The following ACADL variants were observed in gnomAD, a reference collection of about 807,000 sequenced individuals.
The protein encoded by ACADL is long-chain specific acyl-CoA dehydrogenase, mitochondrial.
In ACADL, 60 loss-of-function variants were observed where a neutral mutation model predicts 56.9. That is an observed-to-expected ratio of 1.05 (90% CI 0.86 to 1.31). The LOEUF (loss-of-function observed/expected upper bound fraction) is 1.31. Among genes scored for constraint, ACADL ranks in the 50% most tolerant of loss-of-function variants. ACADL has a pLI of 0.00. For missense variants in ACADL, 484 were observed against 525.5 expected (o/e 0.92, Z 0.77); for synonymous variants, 158 against 179.7 (o/e 0.88, Z 0.97).
At chr2:210,208,306 T>C (rs1223263456) in intron 5 of ACADL, among the ~76,000 whole-genome samples, 1 of 152,164 alleles carries the variant, frequency 6.6e-6, no homozygotes, top group Non-Finnish European at 1.5e-5. Context: ...TCAAGTGGAG[T>C]TCTCCAGAAG....
chr2:210,206,008 G>A (rs990321640), intron 5 of ACADL, among the ~76,000 whole-genome samples: 3 of 152,062 alleles, frequency 2.0e-5, no homozygotes, highest in African/African-American at 4.8e-5. Context: ...TTCAAAGAAT[G>A]AAACCTATAG....
chr2:210,204,178 C>T (rs962608615), intron 7 of ACADL, among the ~76,000 whole-genome samples: 1 of 152,158 alleles, frequency 6.6e-6, no homozygotes, highest in Non-Finnish European at 1.5e-5. Flanking sequence ...GTGGCTAAAA[C>T]TTTTCAGTCT....
chr2:210,212,035 G>A (rs1171186968), intron 4 of ACADL, among the ~76,000 whole-genome samples: 1 of 151,756 alleles, frequency 6.6e-6, no homozygotes, highest in African/African-American at 2.4e-5. Context: ...GTTTCACCAT[G>A]TTGGCCAGGC....
Position 210,205,738 on chromosome 2 carries a change from T to A in ACADL, c.662A>T (p.His221Leu). Reference sequence around the variant, plus strand: ...ACCATGGGCAGGGGAGGGAGCTTCATGATTTGTGACCGCAACTACAATCAC... The same window carrying A: ...ACCATGGGCAGGGGAGGGAGCTTCAAGATTTGTGACCGCAACTACAATCAC... ...DVVIVVAVTN[H>L]EAPSPAHGIS... Residue 221 changes from histidine to leucine, a missense_variant, in exon 6 of 11, where the codon CAT becomes CTT. His to Leu is a moderately conservative substitution (Grantham distance 99). Coordinates refer to ENST00000233710, the MANE Select transcript of ACADL (RefSeq NM_001608.4). 1 of 1,614,080 alleles carries A rather than the reference T, an allele frequency of 6.2e-7. No homozygotes were observed. The highest frequency in any genetic ancestry group is 2.2e-5 in the East Asian group (1 of 44,866).
At chr2:210,202,878 C>T (rs1394172337) in intron 8 of ACADL, among the ~76,000 whole-genome samples, 7 of 152,088 alleles carry the variant, frequency 4.6e-5, no homozygotes, top group Admixed American at 3.9e-4. Context: ...TGTCACCCTC[C>T]ACCTCCATTA....
intron 7 of ACADL, among the ~76,000 whole-genome samples, 166 bp from the exon 8 acceptor site, chr2:210,203,610 A>C (rs1371964530): frequency 6.6e-6 from 1 of 152,146 alleles, no homozygotes; most frequent in Non-Finnish European, 1.5e-5. Flanking sequence ...TTCTTTTGAC[A>C]TATCTCTAAT....
intron 2 of ACADL, among the ~76,000 whole-genome samples, chr2:210,220,247 A>G (rs1219616895): frequency 6.6e-6 from 1 of 152,182 alleles, no homozygotes; most frequent in Admixed American, 6.5e-5. Flanking sequence ...AATAATAATT[A>G]GTTAATCAAG....
Position 210,188,748 on chromosome 2 carries a change from G to GT in ACADL, c.*212dup, listed in dbSNP as rs1362672590. On this transcript the variant is annotated 3_prime_UTR_variant, in exon 11 of 11. Transcript: ENST00000233710. ...TTTACCTTTGGCTACATAAAAAACT[G>GT]TAAGTTAAACCTTATATTGGAAAAC... is the stretch of plus-strand genomic sequence containing the variant. 13 of 478,342 alleles carry GT rather than the reference G, an allele frequency of 2.7e-5. No homozygotes were observed. The highest frequency in any genetic ancestry group is 4.1e-5 in the Non-Finnish European group (11 of 267,228). 29.6% of individuals were successfully genotyped at this position (478,342 alleles called of 1,614,324 possible).
intron 1 of ACADL, among the ~76,000 whole-genome samples, chr2:210,223,768 A>G (rs1283012793): frequency 6.6e-6 from 1 of 152,232 alleles, no homozygotes; most frequent in Non-Finnish European, 1.5e-5. Context: ...GTTTAGGAAA[A>G]GTTATTTTTC....
chr2:210,195,316 T>C lies in ACADL; in HGVS notation c.1007A>G (p.Glu336Gly), dbSNP rs763335018. The stretch of plus-strand genomic sequence containing the variant: ...GGTTACACATATATGTGTTTTTAAT[T>C]CTGCTAATTTATGTTGCACTGTCTT... ...HLQTVQHKLAELKTHICVTRA... is the reference protein window; with the variant it reads ...HLQTVQHKLAGLKTHICVTRA... Residue 336 changes from glutamate (E) to glycine (G), a missense_variant, in exon 9 of 11, where the codon GAA (glutamate) becomes GGA (glycine). Transcript: ENST00000233710. 1.9e-6 allele frequency: 3 copies of C among 1,613,196 alleles called. No individual in the cohort carries two copies. In the South Asian group the frequency reaches 3.3e-5, roughly 18 times the overall value.
chr2:210,203,988 G>A (rs1688843114), intron 7 of ACADL, among the ~76,000 whole-genome samples: 1 of 152,130 alleles, frequency 6.6e-6, no homozygotes, highest in African/African-American at 2.4e-5. Context: ...ACATCTTAAA[G>A]CACATAAGTT....
intron 4 of ACADL, among the ~76,000 whole-genome samples, 155 bp from the exon 5 acceptor site, chr2:210,210,417 C>A (rs1688959752): frequency 6.6e-6 from 1 of 152,078 alleles, no homozygotes; most frequent in South Asian, 2.1e-4. Flanking sequence ...CACTGAAAAA[C>A]CATGCTGATC....
At chr2:210,224,934 T>C (rs1297903666) in intron 1 of ACADL, 2 of 1,332,088 alleles carry the variant, frequency 1.5e-6, no homozygotes, top group Non-Finnish European at 1.9e-6. Flanking sequence ...ATCTTTCGGC[T>C]TTCCCCGACG....
At chr2:210,213,614 A>C (rs1689025642) in intron 4 of ACADL, among the ~76,000 whole-genome samples, 1 of 152,222 alleles carries the variant, frequency 6.6e-6, no homozygotes, top group Non-Finnish European at 1.5e-5. Context: ...ATTAAAAATG[A>C]AAACGTATAC....
chr2:210,216,938 A>AAAAAC (rs200393945), intron 3 of ACADL, among the ~76,000 whole-genome samples: 2,533 of 152,134 alleles, frequency 0.017, 74 homozygotes, highest in African/African-American at 0.058. Context: ...AAAAGGACCA[A>AAAAAC]AAAACAAAAC....
chr2:210,225,129 G>T (rs1281207808), intron 1 of ACADL, 58 bp downstream of exon 1: 15 of 1,526,780 alleles, frequency 9.8e-6, no homozygotes, highest in Non-Finnish European at 1.2e-5. Flanking sequence ...GGAGTGACTC[G>T]CTGCCCCACC....
chr2:210,199,699 C>A (rs970469857), intron 8 of ACADL, among the ~76,000 whole-genome samples: 1 of 151,976 alleles, frequency 6.6e-6, no homozygotes. Context: ...AACTGTTATA[C>A]CTTTAGCCAA....
At chr2:210,222,057 C>G (rs1295296869) in intron 1 of ACADL, among the ~76,000 whole-genome samples, 1 of 152,082 alleles carries the variant, frequency 6.6e-6, no homozygotes, top group Non-Finnish European at 1.5e-5. Flanking sequence ...TAAGTTTTCC[C>G]TAAGTATCAT....
intron 8 of ACADL, among the ~76,000 whole-genome samples, chr2:210,196,066 A>T (rs928840250): frequency 6.6e-6 from 1 of 152,070 alleles, no homozygotes; most frequent in Admixed American, 6.6e-5. Flanking sequence ...TAATTGAATC[A>T]TGGGGGTGGG....
Sources: gnomAD v4.1 joint callset for allele counts (sites outside exome capture counted in the v4.1 genomes callset) on GRCh38, gnomAD v4.1.1 for gene constraint, MANE v1.5 for transcripts, NCBI Gene and HGNC (gene_info 2026-07-23, HGNC 2026-07-21) for gene names.